The following SLC36A1 variants were observed in gnomAD, a reference collection of about 807,000 sequenced individuals.
SLC36A1 encodes the protein solute carrier family 36 member 1.
A neutral mutation model predicts 47.5 loss-of-function variants in SLC36A1; 30 were observed. The ratio of observed to expected loss-of-function variants is 0.63; its 90% CI spans 0.47 to 0.86. The LOEUF (loss-of-function observed/expected upper bound fraction) is 0.86, where lower values mean the gene tolerates loss of function less well. Among genes scored for constraint, SLC36A1 ranks in the 40% least tolerant of loss-of-function variants. The pLI is 0.00. For synonymous variants in SLC36A1, 255 were observed against 249.7 expected (o/e 1.02, Z -0.20); for missense variants, 517 against 606.0 (o/e 0.85, Z 1.54).
At chr5:151,471,696 C>T (rs1280528888) in intron 7 of SLC36A1, among the ~76,000 whole-genome samples, 4 of 152,250 alleles carry the variant, frequency 2.6e-5, no homozygotes, top group East Asian at 1.9e-4. Flanking sequence ...CCCAGGGAAA[C>T]ACATTTATTT....
the SLC36A1 span, chr5:151,537,812 G>A: frequency 4.3e-6 from 7 of 1,611,720 alleles, no homozygotes; most frequent in Admixed American, 5.0e-5. Flanking sequence ...GATCCAGCTT[G>A]AATTCATGCG....
chr5:151,549,480 T>C, the SLC36A1 span: 1 of 1,614,210 alleles, frequency 6.2e-7, no homozygotes, highest in Admixed American at 1.7e-5. Context: ...GAAGTTCCTC[T>C]TGATAGGTAT....
At chr5:151,358,274 TG>T in the SLC36A1 span, among the ~76,000 whole-genome samples, 1 of 148,590 alleles carries the variant, frequency 6.7e-6, no homozygotes, top group South Asian at 2.1e-4. Flanking sequence ...TTTTCTTTTC[TG>T]TTTTTTTTTT....
At chr5:151,392,275 A>G in the SLC36A1 span, among the ~76,000 whole-genome samples, 3 of 151,904 alleles carry the variant, frequency 2.0e-5, no homozygotes, top group Admixed American at 6.6e-5. Context: ...TATTGCATCT[A>G]TTTGCTTCTT....
intron 2 of SLC36A1, 105 bp downstream of exon 2, chr5:151,459,040 G>A: frequency 7.5e-7 from 1 of 1,332,322 alleles, no homozygotes; most frequent in Non-Finnish European, 1.0e-6. Context: ...CTTTACAGAT[G>A]AAGGTCAGCA....
chr5:151,479,839 G>A, intron 10 of SLC36A1: 1 of 537,092 alleles, frequency 1.9e-6, no homozygotes, highest in Non-Finnish European at 3.2e-6. Context: ...ATGAGTATAA[G>A]TTACTCTGAT....
At chr5:151,516,132 G>T in the SLC36A1 span, among the ~76,000 whole-genome samples, 1 of 152,090 alleles carries the variant, frequency 6.6e-6, no homozygotes, top group African/African-American at 2.4e-5. Flanking sequence ...GATGTCCATA[G>T]AGCTAACTTT....
the SLC36A1 span, chr5:151,380,519 T>C: frequency 2.0e-6 from 1 of 509,372 alleles, no homozygotes; most frequent in Admixed American, 2.1e-5. Context: ...GCAGTTCGTG[T>C]GTTGGAAAGA....
chr5:151,535,165 G>A, the SLC36A1 span, among the ~76,000 whole-genome samples: 1 of 151,884 alleles, frequency 6.6e-6, no homozygotes, highest in South Asian at 2.1e-4. Flanking sequence ...ACCATGTGTG[G>A]TGTTATAAGT....
the SLC36A1 span, chr5:151,543,245 C>A: frequency 1.2e-6 from 2 of 1,614,058 alleles, no homozygotes; most frequent in Admixed American, 1.7e-5. Flanking sequence ...TTAACTAGGT[C>A]CTCTGGGTTC....
the SLC36A1 span, chr5:151,540,844 A>T: frequency 7.7e-7 from 1 of 1,301,996 alleles, no homozygotes; most frequent in Non-Finnish European, 1.1e-6. Context: ...TGCCCATTGG[A>T]TGCATTTTTT....
chr5:151,551,229 C>A, the SLC36A1 span, among the ~76,000 whole-genome samples: 1 of 152,248 alleles, frequency 6.6e-6, no homozygotes, highest in African/African-American at 2.4e-5. Context: ...CCATTGTACT[C>A]TATCTTTAAT....
chr5:151,417,022 T>A, the SLC36A1 span, among the ~76,000 whole-genome samples: 11 of 152,320 alleles, frequency 7.2e-5, no homozygotes, highest in East Asian at 1.5e-3. Context: ...CTGCCATGAT[T>A]GTGTGCTTCC....
the SLC36A1 span, chr5:151,382,124 C>G: frequency 2.3e-6 from 2 of 875,966 alleles, no homozygotes; most frequent in South Asian, 2.8e-5. Context: ...TGACAGAGCA[C>G]GACCCTTTCA....
the SLC36A1 span, among the ~76,000 whole-genome samples, chr5:151,366,850 G>T: frequency 1.3e-5 from 2 of 152,194 alleles, no homozygotes; most frequent in African/African-American, 4.8e-5. Context: ...TTTTACAGCT[G>T]GGCTGCCAGG....
chr5:151,545,240 C>G, the SLC36A1 span: 4 of 1,614,152 alleles, frequency 2.5e-6, no homozygotes, highest in East Asian at 6.7e-5. Context: ...AAGCTTTTGT[C>G]AAGCACTTGG....
At chr5:151,550,017 CTG>C in the SLC36A1 span, among the ~76,000 whole-genome samples, 25 of 152,090 alleles carry the variant, frequency 1.6e-4, no homozygotes, top group Middle Eastern at 3.2e-3. Flanking sequence ...TCATAAATAA[CTG>C]TATGACAGTG....
chr5:151,417,157 G>A, the SLC36A1 span, among the ~76,000 whole-genome samples: 5 of 152,318 alleles, frequency 3.3e-5, no homozygotes, highest in South Asian at 8.3e-4. Flanking sequence ...TGGTACCGAG[G>A]TAGTGGAGCA....
the SLC36A1 span, among the ~76,000 whole-genome samples, chr5:151,399,084 A>ATTTTTT: frequency 3.3e-5 from 2 of 60,070 alleles, no homozygotes; most frequent in Non-Finnish European, 6.9e-5. Context: ...ATATATATAT[A>ATTTTTT]TTTTTTTTTT....
Sources: gnomAD v4.1 joint callset for allele counts (sites outside exome capture counted in the v4.1 genomes callset) on GRCh38, gnomAD v4.1.1 for gene constraint, MANE v1.5 for transcripts, NCBI Gene and HGNC (gene_info 2026-07-23, HGNC 2026-07-21) for gene names.